FHDC1: variants seen among roughly 807,000 people sequenced by gnomAD.
FHDC1 encodes FH2 domain containing 1, also known as FH2 domain-containing protein 1.
In FHDC1, 25 loss-of-function variants were observed where a neutral mutation model predicts 52.6. The ratio of observed to expected loss-of-function variants is 0.48; its 90% CI spans 0.35 to 0.66. The LOEUF (loss-of-function observed/expected upper bound fraction) is 0.66. FHDC1 is among the 30% of genes least tolerant of loss of function. The pLI, the probability that FHDC1 is intolerant of heterozygous loss-of-function variation, is 0.01. For missense variants in FHDC1, 1,459 were observed against 1,452.8 expected, an observed-to-expected ratio of 1.00 and a Z score of -0.07; for synonymous variants, 616 against 581.5, an observed-to-expected ratio of 1.06 and a Z score of -0.85.
At position 152,974,825 on chromosome 4, in the gene FHDC1, G is replaced by A. The variant is rs1340564037; in HGVS notation, c.1534G>A (p.Ala512Thr). The change falls in exon 12 of 12, where the codon GCA becomes ACA. Residue 512 changes from alanine to threonine, a missense_variant. Physicochemically the swap from Ala to Thr is moderately conservative, Grantham distance 58 (BLOSUM62 0). This residue lies in a region of FHDC1 where 939 missense variants were observed against 854.5 expected (regional missense o/e 1.10). Coordinates refer to ENST00000511601, the MANE Select transcript of FHDC1 (RefSeq NM_001371116.1). ...TGTGGAGCTGCTGACCAAGAAGGGT[G>A]CAGAGGGCCTGCTCCCTTTCCTGCA... ...NDVELLTKKG[A>T]EGLLPFLHPR... 1.3e-6 allele frequency: 2 copies of A among 1,590,410 alleles called. No individual in the cohort carries two copies. The highest frequency in any genetic ancestry group is 1.7e-6 in the Non-Finnish European group (2 of 1,164,942).
chr4:152,928,650 C>T, the FHDC1 span, among the ~76,000 whole-genome samples: 17 of 152,276 alleles, frequency 1.1e-4, no homozygotes, highest in African/African-American at 4.1e-4. Flanking sequence ...TTGTTTGGTT[C>T]TACTGCATTG....
At chr4:152,949,170 A>AAGCAGAAGC (rs1554040357) in intron 2 of FHDC1, among the ~76,000 whole-genome samples, 1 of 142,574 alleles carries the variant, frequency 7.0e-6, no homozygotes, top group Non-Finnish European at 1.5e-5. Flanking sequence ...GAAGAAGAAG[A>AAGCAGAAGC]AGCAGAAGAA....
chr4:152,960,717 C>G, intron 5 of FHDC1, 27 bp from the exon 6 acceptor site: 1 of 1,610,966 alleles, frequency 6.2e-7, no homozygotes, highest in South Asian at 1.1e-5. Flanking sequence ...ACATCAAATT[C>G]TACAGTTTTA....
chr4:152,973,303 A>G (rs1740701825), intron 11 of FHDC1, among the ~76,000 whole-genome samples: 1 of 152,246 alleles, frequency 6.6e-6, no homozygotes, highest in African/African-American at 2.4e-5. Flanking sequence ...AATGCAGCTT[A>G]GTCCATAGCT....
At chr4:152,937,772 G>C (rs1320705339) in intron 1 of FHDC1, among the ~76,000 whole-genome samples, 1 of 152,102 alleles carries the variant, frequency 6.6e-6, no homozygotes, top group Admixed American at 6.5e-5. Flanking sequence ...TAAGGACGCA[G>C]CTGGGGCTCC....
intron 2 of FHDC1, among the ~76,000 whole-genome samples, chr4:152,944,775 G>T (rs1444488927): frequency 6.6e-6 from 1 of 152,366 alleles, no homozygotes; most frequent in African/African-American, 2.4e-5. Flanking sequence ...AACCCTTAGT[G>T]CCGTCAGTGC....
chr4:152,932,165 C>G (rs1165330115), upstream of FHDC1, among the ~76,000 whole-genome samples: 1 of 151,850 alleles, frequency 6.6e-6, no homozygotes, highest in Non-Finnish European at 1.5e-5. Flanking sequence ...AGGAGGATTG[C>G]TTGAGGTCAG....
chr4:152,957,197 G>T (rs1740115182), intron 4 of FHDC1, among the ~76,000 whole-genome samples: 1 of 152,210 alleles, frequency 6.6e-6, no homozygotes. Flanking sequence ...CTCAGCCTAT[G>T]TGTAACGCTC....
the FHDC1 span, among the ~76,000 whole-genome samples, chr4:152,921,591 TCCC>T: frequency 7.5e-6 from 1 of 133,160 alleles, no homozygotes; most frequent in Non-Finnish European, 1.6e-5. Flanking sequence ...CCTTCCTCCC[TCCC>T]TCCCTCCCTC....
intron 10 of FHDC1, 45 bp downstream of exon 10, chr4:152,968,142 C>A: frequency 7.0e-7 from 1 of 1,422,224 alleles, no homozygotes; most frequent in Non-Finnish European, 9.9e-7. Flanking sequence ...CATCTCCCAG[C>A]AGCACCCCGG....
Position 152,943,129 on chromosome 4 carries a change from C to G in FHDC1, c.72C>G (p.Phe24Leu). ...GGAATATTGCCACAGCACCTGGATTCATGATTGGGCAGACACCTCCTCCAG... is the reference window on the plus strand; with the variant it reads ...GGAATATTGCCACAGCACCTGGATTGATGATTGGGCAGACACCTCCTCCAG... ...ENGNIATAPG[F>L]MIGQTPPPAP... Residue 24 changes from phenylalanine (F) to leucine (L), a missense_variant, in exon 2 of 12, where the codon TTC (phenylalanine) becomes TTG (leucine). Phe to Leu is a conservative substitution (Grantham distance 22, BLOSUM62 0). This residue lies in a region of FHDC1 where 513 missense variants were observed against 581.5 expected (regional missense o/e 0.88). Coordinates refer to ENST00000511601, the MANE Select transcript of FHDC1 (RefSeq NM_001371116.1). 1 of 1,614,114 alleles carries G rather than the reference C, an allele frequency of 6.2e-7. No homozygotes were observed. The highest frequency in any genetic ancestry group is 8.5e-7 in the Non-Finnish European group (1 of 1,179,998).
At chr4:152,938,318 A>G (rs1008830485) in intron 1 of FHDC1, among the ~76,000 whole-genome samples, 1 of 151,366 alleles carries the variant, frequency 6.6e-6, no homozygotes, top group Non-Finnish European at 1.5e-5. Context: ...ATTGTGCTGC[A>G]GATTGAAGGC....
chr4:152,928,248 A>G, the FHDC1 span: 2 of 696,088 alleles, frequency 2.9e-6, no homozygotes, highest in Admixed American at 2.1e-5. Flanking sequence ...CCCCAATGGT[A>G]GATCGGACCA....
chr4:152,925,987 G>A, the FHDC1 span, among the ~76,000 whole-genome samples: 3 of 151,868 alleles, frequency 2.0e-5, no homozygotes, highest in Non-Finnish European at 4.4e-5. Context: ...GTCTGTTTAC[G>A]CTCTTGGGAT....
rs543218547 is a variant in FHDC1 at position 152,936,625 on chromosome 4, G to A, written c.-131+216G>A. Among the ~76,000 whole-genome samples, 3 of 152,372 alleles carry A rather than the reference G, an allele frequency of 2.0e-5. No homozygotes were observed. The South Asian group carries it at 6.2e-4, about 32-fold the overall frequency. On this transcript the variant is annotated intron_variant, in intron 1 of 11. Transcript: ENST00000511601. Reference sequence around the variant, plus strand: ...TTCCAGTTCCCTCCACATCCACCCCGGTGACTTTGGCGGCCGCCCTTACCC... The same window carrying A: ...TTCCAGTTCCCTCCACATCCACCCCAGTGACTTTGGCGGCCGCCCTTACCC...
In FHDC1 at chr4:152,962,881, T is replaced by C. The variant is rs1740320202; in HGVS notation, c.918T>C (p.Asn306=). Residue 306 remains asparagine, a synonymous_variant, in exon 7 of 12, where the codon AAT becomes AAC. Transcript: ENST00000511601. The part of the protein sequence containing the change: ...HLVLQAGNIM[N]AGGYAGNAVG... The stretch of plus-strand genomic sequence containing the variant: ...TGCTCCAGGCTGGGAATATCATGAA[T>C]GCAGTAAGTAAAATCCAAAACAATT... The C allele has an allele frequency of 6.2e-6, 10 of 1,613,684 alleles. No individual in the cohort carries two copies. The highest frequency in any genetic ancestry group is 6.8e-6 in the Non-Finnish European group (8 of 1,179,914).
At chr4:152,917,754 T>G in the FHDC1 span, among the ~76,000 whole-genome samples, 1 of 152,360 alleles carries the variant, frequency 6.6e-6, no homozygotes, top group East Asian at 1.9e-4. Context: ...TGTGTTGACT[T>G]TCATTCGCCG....
At position 152,975,850 on chromosome 4, in the gene FHDC1, C is replaced by T. The variant is rs1462976811; in HGVS notation, c.2559C>T (p.Pro853=). ...AGGGCGGCCTGCCCAGGGACAAACCCACCAAAAGGAAAGATGTTGTAGCAC... is the reference window on the plus strand; with the variant it reads ...AGGGCGGCCTGCCCAGGGACAAACCTACCAAAAGGAAAGATGTTGTAGCAC... ...SCKGGLPRDK[P]TKRKDVVAPK... The change falls in exon 12 of 12, where the codon CCC becomes CCT. Residue 853 remains proline (P), a synonymous_variant. Coordinates refer to ENST00000511601, the MANE Select transcript of FHDC1 (RefSeq NM_001371116.1). 1 of 1,515,360 alleles carries T rather than the reference C, an allele frequency of 6.6e-7. No individual in the cohort carries two copies. Among genetic ancestry groups the T allele is most frequent in the Admixed American group, 2.3e-5 (1 of 44,080 alleles). The allele number at this position is 1,515,360 out of a possible 1,614,324, so 93.9% of individuals were successfully genotyped here.
rs1357408922 is a variant in FHDC1, at chr4:152,960,780, G to C, written c.786G>C (p.Lys262Asn). The C allele has an allele frequency of 6.2e-7, 1 of 1,612,990 alleles. No individual in the cohort carries two copies. The highest frequency in any genetic ancestry group is 8.5e-7 in the Non-Finnish European group (1 of 1,179,798). Residue 262 changes from lysine to asparagine, a missense_variant, in exon 6 of 12, where the codon AAG (lysine) becomes AAC (asparagine). Physicochemically the swap from Lys to Asn is moderately conservative, Grantham distance 94. Transcript: ENST00000511601. ...GGATTGAAGCCATGGTGCTAAAGAA[G>C]GAATTTCTACCTTCTTGCTCTTCTC... is the stretch of plus-strand genomic sequence containing the variant. ...SLRIEAMVLKKEFLPSCSSLY... is the reference protein window; with the variant it reads ...SLRIEAMVLKNEFLPSCSSLY...
Sources: allele counts gnomAD v4.1 joint callset (sites outside exome capture counted in the v4.1 genomes callset), GRCh38; gene constraint gnomAD v4.1.1; regional missense constraint gnomAD v4.1.1; transcripts MANE v1.5; gene names NCBI Gene and HGNC (gene_info 2026-07-23, HGNC 2026-07-21).